Variants in ZSWIM6 observed in about 807,000 individuals in gnomAD.
ZSWIM6 encodes the protein zinc finger SWIM-type containing 6, also known as zinc finger SWIM domain-containing protein 6.
A neutral mutation model predicts 113.2 loss-of-function variants in ZSWIM6; 9 were observed. The ratio of observed to expected loss-of-function variants is 0.08; its 90% confidence interval spans 0.05 to 0.14. The LOEUF (loss-of-function observed/expected upper bound fraction) is 0.14. Among genes scored for constraint, ZSWIM6 ranks in the 10% least tolerant of loss-of-function variants. The pLI is 1.00. For missense variants in ZSWIM6, 1,162 were observed against 1,552.2 expected (o/e 0.75, Z 4.22); for synonymous variants, 611 against 606.5 (o/e 1.01, Z -0.11).
intron 4 of ZSWIM6, among the ~76,000 whole-genome samples, chr5:61,519,953 G>A (rs1749068364): frequency 6.6e-6 from 1 of 152,122 alleles, no homozygotes; most frequent in African/African-American, 2.4e-5. Context: ...GTTCCTATGA[G>A]AATCTAATGC....
chr5:61,464,311 A>ATGCCT (rs1747384956), intron 1 of ZSWIM6, among the ~76,000 whole-genome samples: 1 of 151,522 alleles, frequency 6.6e-6, no homozygotes. Context: ...GTGAGCCACC[A>ATGCCT]TGCCTTGCCT....
At chr5:61,395,475 G>A (rs1298650966) in intron 1 of ZSWIM6, among the ~76,000 whole-genome samples, 24 of 152,218 alleles carry the variant, frequency 1.6e-4, no homozygotes, top group Non-Finnish European at 1.5e-5. Context: ...TGTCATGTTC[G>A]AATACTGAGT....
intron 7 of ZSWIM6, among the ~76,000 whole-genome samples, chr5:61,528,868 G>A (rs1749356188): frequency 2.0e-5 from 3 of 152,306 alleles, no homozygotes; most frequent in African/African-American, 4.8e-5. Flanking sequence ...GATTACAGGC[G>A]TGAGCCACCA....
chr5:61,390,904 C>T, intron 1 of ZSWIM6: 5 of 875,672 alleles, frequency 5.7e-6, no homozygotes, highest in Non-Finnish European at 9.6e-6. Flanking sequence ...TCATTGGTCA[C>T]TTCACCATAG....
intron 2 of ZSWIM6, among the ~76,000 whole-genome samples, chr5:61,487,009 T>C (rs1042761129): frequency 2.6e-5 from 4 of 152,088 alleles, no homozygotes; most frequent in African/African-American, 9.7e-5. Flanking sequence ...TAGACCAGTG[T>C]CCAGGAGAAT....
chr5:61,408,820 G>A (rs1404847810), intron 1 of ZSWIM6, among the ~76,000 whole-genome samples: 1 of 152,234 alleles, frequency 6.6e-6, no homozygotes, highest in East Asian at 1.9e-4. Flanking sequence ...AACTGTTTAG[G>A]AATGCGGCCG....
chr5:61,363,968 T>TCCTCCCTC (rs377008635), intron 1 of ZSWIM6, among the ~76,000 whole-genome samples: 3 of 142,350 alleles, frequency 2.1e-5, no homozygotes, highest in Non-Finnish European at 4.5e-5. Context: ...CTTCCTTCCT[T>TCCTCCCTC]CCTCCCTCCC....
intron 7 of ZSWIM6, 73 bp from the exon 8 acceptor site, chr5:61,529,979 C>T: frequency 1.5e-6 from 2 of 1,331,548 alleles, no homozygotes; most frequent in Non-Finnish European, 1.0e-6. Flanking sequence ...ATGGTAAAGC[C>T]TCTGTTTTCC....
chr5:61,529,999 T>C, intron 7 of ZSWIM6, 53 bp from the exon 8 acceptor site: 1 of 1,451,258 alleles, frequency 6.9e-7, no homozygotes, highest in Admixed American at 2.3e-5. Flanking sequence ...CCCACTTCTT[T>C]CCCTTCATCT....
At chr5:61,539,881 GT>G in intron 12 of ZSWIM6, 122 bp downstream of exon 12, 1 of 973,162 alleles carries the variant, frequency 1.0e-6, no homozygotes, top group Non-Finnish European at 1.5e-6. Context: ...GTACAAATCT[GT>G]TAGACTTCAG....
chr5:61,375,261 G>A (rs1266145108), intron 1 of ZSWIM6: 2 of 1,612,516 alleles, frequency 1.2e-6, no homozygotes, highest in East Asian at 2.2e-5. Flanking sequence ...AACTAGAAAA[G>A]GAAAAGAAAG....
At chr5:61,411,010 A>G (rs1168530520) in intron 1 of ZSWIM6, among the ~76,000 whole-genome samples, 2 of 152,216 alleles carry the variant, frequency 1.3e-5, no homozygotes, top group African/African-American at 4.8e-5. Context: ...ATGGTTTGGC[A>G]TGCTTGGAAA....
At chr5:61,525,156 G>A (rs1446747224) in intron 5 of ZSWIM6, among the ~76,000 whole-genome samples, 4 of 152,158 alleles carry the variant, frequency 2.6e-5, no homozygotes, top group Admixed American at 6.5e-5. Flanking sequence ...AGGTAAGTGC[G>A]CTGGTTTGTT....
chr5:61,485,177 A>G (rs1453627646), intron 2 of ZSWIM6, among the ~76,000 whole-genome samples: 1 of 152,120 alleles, frequency 6.6e-6, no homozygotes, highest in African/African-American at 2.4e-5. Flanking sequence ...TCTTGCTCTC[A>G]TGGAGCTTCA....
At chr5:61,530,313 TGGTTA>T in intron 8 of ZSWIM6, 115 bp downstream of exon 8, 1 of 1,114,460 alleles carries the variant, frequency 9.0e-7, no homozygotes, top group Non-Finnish European at 1.2e-6. Context: ...ACAGCACCTT[TGGTTA>T]GCAAGAGAGC....
At position 61,539,613 on chromosome 5, in the gene ZSWIM6, G is replaced by A. The variant is rs748121822; in HGVS notation, c.2557G>A (p.Glu853Lys). Residue 853 changes from glutamate to lysine, a missense_variant, in exon 12 of 14, where the codon GAA (glutamate) becomes AAA (lysine). By Grantham distance (56) the Glu-to-Lys change is moderately conservative. This residue lies in a region of ZSWIM6 where 620 missense variants were observed against 804.6 expected (regional missense o/e 0.77). Coordinates refer to ENST00000252744, the MANE Select transcript of ZSWIM6 (RefSeq NM_020928.2). ...TAAKGDVRRL[E>K]TVLESIQKNI... is the part of the protein sequence containing the mutation. ...CATTGCAGGCGATGTTCGGAGGCTG[G>A]AAACAGTATTAGAATCCATCCAGAA... The A allele has an allele frequency of 1.2e-5, 19 of 1,551,242 alleles. No homozygotes were observed. Among genetic ancestry groups the A allele is most frequent in the Admixed American group, 3.9e-5 (2 of 50,886 alleles).
At chr5:61,467,288 A>T (rs567108078) in intron 1 of ZSWIM6, among the ~76,000 whole-genome samples, 2 of 152,334 alleles carry the variant, frequency 1.3e-5, no homozygotes, top group African/African-American at 2.4e-5. Context: ...TATCTTTATT[A>T]AAAAATCTGC....
intron 1 of ZSWIM6, among the ~76,000 whole-genome samples, chr5:61,417,964 G>T (rs1746289078): frequency 6.6e-6 from 1 of 152,122 alleles, no homozygotes; most frequent in African/African-American, 2.4e-5. Context: ...TACTTTATTG[G>T]TGATCTAATC....
chr5:61,461,041 G>T (rs982878373), intron 1 of ZSWIM6, among the ~76,000 whole-genome samples: 2 of 152,120 alleles, frequency 1.3e-5, no homozygotes, highest in Non-Finnish European at 2.9e-5. Flanking sequence ...TAAAAATTAT[G>T]TTGGTAAAAA....
Sources: allele counts gnomAD v4.1 joint callset (sites outside exome capture counted in the v4.1 genomes callset), GRCh38; gene constraint gnomAD v4.1.1; regional missense constraint gnomAD v4.1.1; transcripts MANE v1.5; gene names NCBI Gene and HGNC (gene_info 2026-07-23, HGNC 2026-07-21).